Variants in ANXA3 observed in about 807,000 individuals in gnomAD.
ANXA3 encodes the protein 35-alpha calcimedin.
A neutral mutation model predicts 48.8 loss-of-function variants in ANXA3; 46 were observed. The ratio of observed to expected loss-of-function variants is 0.94; its 90% CI spans 0.74 to 1.21. ANXA3 has a LOEUF of 1.21. ANXA3 is among the 50% of genes most tolerant of loss of function. The pLI, the probability that ANXA3 is intolerant of heterozygous loss-of-function variation, is 0.00. For missense variants in ANXA3, 383 were observed against 378.6 expected, an observed-to-expected ratio of 1.01 and a Z score of -0.10; for synonymous variants, 128 against 134.7, an observed-to-expected ratio of 0.95 and a Z score of 0.35.
At chr4:78,554,570 T>G in intron 2 of ANXA3, 82 bp downstream of exon 2, 1 of 1,322,748 alleles carries the variant, frequency 7.6e-7, no homozygotes, top group Non-Finnish European at 1.1e-6. Context: ...GCAAGGAAAA[T>G]TTTAGGAAAG....
chr4:78,603,046 T>C (rs967890851), intron 11 of ANXA3: 5 of 152,380 alleles, frequency 3.3e-5, no homozygotes, highest in Non-Finnish European at 7.3e-5. Flanking sequence ...AGGTCTCCCC[T>C]AACTGTACCA....
intron 8 of ANXA3, 134 bp downstream of exon 8, chr4:78,595,571 C>A: frequency 9.5e-7 from 1 of 1,054,954 alleles, no homozygotes; most frequent in Non-Finnish European, 1.4e-6. Context: ...GAAAGAGAAG[C>A]CTGAAGCTTG....
At chr4:78,562,076 G>T (rs1216772896) in intron 2 of ANXA3, among the ~76,000 whole-genome samples, 1 of 152,144 alleles carries the variant, frequency 6.6e-6, no homozygotes, top group African/African-American at 2.4e-5. Context: ...ACTATAGTAT[G>T]CAAAGCTAAT....
At chr4:78,582,446 A>G (rs1352205996) in intron 5 of ANXA3, 156 bp downstream of exon 5, 8 of 542,038 alleles carry the variant, frequency 1.5e-5, no homozygotes, top group Admixed American at 6.8e-5. Flanking sequence ...GGCAACAGCT[A>G]TAGAACCTTA....
intron 1 of ANXA3, chr4:78,552,082 A>C (rs1256696149): frequency 2.0e-5 from 3 of 152,104 alleles, no homozygotes; most frequent in Non-Finnish European, 2.9e-5. Flanking sequence ...GACTGGGCCC[A>C]CGGGGGGGAA....
chr4:78,586,108 T>C (rs1200682570), intron 5 of ANXA3, 152 bp from the exon 6 acceptor site: 9 of 448,400 alleles, frequency 2.0e-5, no homozygotes, highest in Non-Finnish European at 3.5e-5. Context: ...TACTAAAATA[T>C]ATGGAAAAAT....
chr4:78,569,845 G>A (rs908588370), intron 2 of ANXA3, among the ~76,000 whole-genome samples: 1 of 152,212 alleles, frequency 6.6e-6, no homozygotes, highest in African/African-American at 2.4e-5. Context: ...TCCTGGGGCT[G>A]TCCTTATTAG....
At chr4:78,561,132 G>A (rs1722619692) in intron 2 of ANXA3, among the ~76,000 whole-genome samples, 2 of 152,114 alleles carry the variant, frequency 1.3e-5, no homozygotes, top group South Asian at 4.2e-4. Context: ...TACCGAAAAA[G>A]GGATCCGCGG....
chr4:78,568,463 A>G (rs1371483763), intron 2 of ANXA3, among the ~76,000 whole-genome samples: 1 of 152,118 alleles, frequency 6.6e-6, no homozygotes, highest in Non-Finnish European at 1.5e-5. Flanking sequence ...TGATGCCTCA[A>G]TTTTTGGATG....
intron 4 of ANXA3, 54 bp downstream of exon 4, chr4:78,579,175 C>A: frequency 1.6e-6 from 2 of 1,247,222 alleles, no homozygotes; most frequent in South Asian, 1.3e-5. Context: ...GTACCATGGT[C>A]GCTCCCACAT....
At chr4:78,597,523 C>T in intron 10 of ANXA3, 109 bp downstream of exon 10, 2 of 666,524 alleles carry the variant, frequency 3.0e-6, no homozygotes, top group Non-Finnish European at 2.6e-6. Context: ...TTTTTTGCTC[C>T]CTACAGCCCC....
At chr4:78,607,831 G>A (rs1723682985) in intron 12 of ANXA3, among the ~76,000 whole-genome samples, 2 of 152,306 alleles carry the variant, frequency 1.3e-5, no homozygotes, top group South Asian at 4.1e-4. Flanking sequence ...CATGTGTTGA[G>A]TGTCTCCTGT....
intron 7 of ANXA3, among the ~76,000 whole-genome samples, chr4:78,592,634 C>G (rs1723323469): frequency 6.6e-6 from 1 of 152,168 alleles, no homozygotes; most frequent in Admixed American, 6.5e-5. Flanking sequence ...GGGCTGGAAT[C>G]TCATGCTGCC....
intron 4 of ANXA3, among the ~76,000 whole-genome samples, chr4:78,579,493 G>T (rs1391588486): frequency 6.6e-6 from 1 of 152,212 alleles, no homozygotes; most frequent in African/African-American, 2.4e-5. Flanking sequence ...GGTCAGGGAT[G>T]CTACAAGCAT....
At chr4:78,569,574 A>C (rs1394922854) in intron 2 of ANXA3, among the ~76,000 whole-genome samples, 4 of 152,226 alleles carry the variant, frequency 2.6e-5, no homozygotes, top group African/African-American at 9.6e-5. Context: ...GAAATAAAGC[A>C]GTGCTTCTTA....
intron 12 of ANXA3, 78 bp downstream of exon 12, chr4:78,604,477 A>G (rs1723608581): frequency 2.4e-6 from 3 of 1,233,496 alleles, no homozygotes; most frequent in Admixed American, 2.2e-5. Context: ...GCCTTAAAAT[A>G]TAAAGATATT....
At chr4:78,571,230 T>G (rs1451196027) in intron 2 of ANXA3, 1 of 152,206 alleles carries the variant, frequency 6.6e-6, no homozygotes, top group Non-Finnish European at 1.5e-5. Context: ...AGGCTGGCCC[T>G]GAACTCCTGG....
intron 5 of ANXA3, among the ~76,000 whole-genome samples, chr4:78,585,898 A>T (rs1723165004): frequency 6.6e-6 from 1 of 152,246 alleles, no homozygotes; most frequent in Admixed American, 6.5e-5. Flanking sequence ...GGATGAAATC[A>T]TTCAAAAGTA....
At chr4:78,588,252 G>A (rs1723217623) in intron 6 of ANXA3, among the ~76,000 whole-genome samples, 1 of 151,776 alleles carries the variant, frequency 6.6e-6, no homozygotes, top group African/African-American at 2.4e-5. Flanking sequence ...AATTGGCCAG[G>A]TGTGGTGGTG....
Sources: gnomAD v4.1 joint callset for allele counts (sites outside exome capture counted in the v4.1 genomes callset) on GRCh38, gnomAD v4.1.1 for gene constraint, MANE v1.5 for transcripts, NCBI Gene and HGNC (gene_info 2026-07-23, HGNC 2026-07-21) for gene names.